Variants in TMEM63C observed in about 807,000 individuals in gnomAD.
TMEM63C encodes the protein transmembrane protein 63C.
TMEM63C carries 32 observed loss-of-function variants against 99.2 expected under a neutral mutation model. The ratio of observed to expected loss-of-function variants is 0.32; its 90% CI spans 0.24 to 0.43. TMEM63C has a LOEUF of 0.43. Ranked by LOEUF, TMEM63C falls within the 20% of genes least tolerant of loss-of-function variation. TMEM63C has a pLI of 1.00. For missense variants in TMEM63C, 826 were observed against 1,053.0 expected (o/e 0.78, Z 2.98); for synonymous variants, 376 against 397.9 (o/e 0.94, Z 0.66).
intron 23 of TMEM63C, among the ~76,000 whole-genome samples, chr14:77,255,905 G>T (rs1889452657): frequency 6.6e-6 from 1 of 152,228 alleles, no homozygotes; most frequent in African/African-American, 2.4e-5. Flanking sequence ...TATGGGAAAG[G>T]TTTCATTCCA....
intron 1 of TMEM63C, among the ~76,000 whole-genome samples, chr14:77,198,478 C>T (rs1356591288): frequency 6.6e-6 from 1 of 152,214 alleles, no homozygotes; most frequent in African/African-American, 2.4e-5. Flanking sequence ...ATAACACCTG[C>T]TTCGTAGAGT....
rs1247917827 is a variant in TMEM63C, at chr14:77,249,393, C to T, written c.1973C>T (p.Ser658Phe). Residue 658 changes from serine (S) to phenylalanine (F), a missense_variant, in exon 21 of 24, where the codon TCC becomes TTC. Ser to Phe is a radical substitution (Grantham distance 155, BLOSUM62 -2). Coordinates refer to ENST00000298351, the MANE Select transcript of TMEM63C (RefSeq NM_020431.4). ...GAGCAGATCCACATGGCTGCCGTCT[C>T]CCAGGCCATCTTTGCGCCACTCTTG... is the stretch of plus-strand genomic sequence containing the variant. ...LNEQIHMAAVSQAIFAPLLGL... is the reference protein window; with the variant it reads ...LNEQIHMAAVFQAIFAPLLGL... 3.1e-6 allele frequency: 5 copies of T among 1,614,048 alleles called. 1 individual carries two copies. The highest frequency in any genetic ancestry group is 2.2e-5 in the South Asian group (2 of 91,080).
chr14:77,241,820 A>G (rs558084272), intron 13 of TMEM63C, among the ~76,000 whole-genome samples: 1 of 152,334 alleles, frequency 6.6e-6, no homozygotes, highest in South Asian at 2.1e-4. Context: ...TCCGGGGCTT[A>G]ATTACAGCAG....
At chr14:77,220,801 C>G (rs1888679477) in intron 5 of TMEM63C, among the ~76,000 whole-genome samples, 1 of 151,616 alleles carries the variant, frequency 6.6e-6, no homozygotes, top group Non-Finnish European at 1.5e-5. Flanking sequence ...CTCCCCACCC[C>G]CACACACAGC....
Position 77,246,669 on chromosome 14 carries a change from G to A in TMEM63C, c.1596G>A (p.Arg532=). The A allele has an allele frequency of 8.1e-6, 13 of 1,612,972 alleles. No individual in the cohort carries two copies. The highest frequency in any genetic ancestry group is 1.7e-5 in the Admixed American group (1 of 59,936). The change falls in exon 18 of 24, where the codon AGG becomes AGA. Residue 532 remains arginine, a synonymous_variant. Coordinates refer to ENST00000298351, the MANE Select transcript of TMEM63C (RefSeq NM_020431.4). ...DIYYLEQASI[R]FQCVFLPDNG... ...ACTATCTAGAGCAAGCATCCATCAGGTTCCAGTGAGTACTCCCATGTGTCC... is the reference window on the plus strand; with the variant it reads ...ACTATCTAGAGCAAGCATCCATCAGATTCCAGTGAGTACTCCCATGTGTCC...
At chr14:77,212,571 C>T (rs1424422898) in intron 1 of TMEM63C, among the ~76,000 whole-genome samples, 1 of 152,212 alleles carries the variant, frequency 6.6e-6, no homozygotes, top group Non-Finnish European at 1.5e-5. Context: ...CTTCTTCACA[C>T]CCAAGAGCTA....
At chr14:77,196,751 G>A (rs1805707287) in intron 1 of TMEM63C, among the ~76,000 whole-genome samples, 1 of 152,226 alleles carries the variant, frequency 6.6e-6, no homozygotes, top group Non-Finnish European at 1.5e-5. Flanking sequence ...TACTTCTCAA[G>A]TATTACTTGT....
At chr14:77,215,614 A>AAAGAAAGAAAAG (rs1555347252) in intron 2 of TMEM63C, among the ~76,000 whole-genome samples, 3 of 76,550 alleles carry the variant, frequency 3.9e-5, no homozygotes, top group African/African-American at 1.1e-4. Flanking sequence ...AAAAAAAAAA[A>AAAGAAAGAAAAG]AAAAGAAAAG....
chr14:77,216,414 C>T (rs1231874037), intron 2 of TMEM63C, among the ~76,000 whole-genome samples: 3 of 152,180 alleles, frequency 2.0e-5, no homozygotes, highest in South Asian at 4.1e-4. Context: ...GAAGAGTTGT[C>T]GCTATGCCAG....
intron 10 of TMEM63C, among the ~76,000 whole-genome samples, chr14:77,239,045 C>A (rs954414683): frequency 1.3e-5 from 2 of 152,198 alleles, no homozygotes; most frequent in African/African-American, 4.8e-5. Context: ...GCACAGGGAA[C>A]CTTGGATCAC....
At chr14:77,221,664 CGCCTCCTCTCCCACTCAT>C (rs1267034472) in intron 5 of TMEM63C, among the ~76,000 whole-genome samples, 273 of 119,532 alleles carry the variant, frequency 2.3e-3, no homozygotes, top group African/African-American at 6.6e-3. Context: ...CTCCCACCCA[CGCCTCCTCTCCCACTCAT>C]GCCTCCTCTC....
chr14:77,220,470 T>C (rs1478288093), intron 5 of TMEM63C, among the ~76,000 whole-genome samples: 1 of 152,096 alleles, frequency 6.6e-6, no homozygotes, highest in African/African-American at 2.4e-5. Context: ...ATTCTAGTCA[T>C]GTGGTAGGGA....
chr14:77,213,055 A>G (rs1888517821), intron 1 of TMEM63C, among the ~76,000 whole-genome samples: 1 of 152,234 alleles, frequency 6.6e-6, no homozygotes, highest in African/African-American at 2.4e-5. Context: ...GAATGAACCA[A>G]TAGTGGTCTA....
At chr14:77,244,985 G>A (rs1453300704) in intron 16 of TMEM63C, among the ~76,000 whole-genome samples, 12 of 152,238 alleles carry the variant, frequency 7.9e-5, no homozygotes, top group Non-Finnish European at 1.5e-4. Flanking sequence ...TGGGTAGAAA[G>A]TATTTGCCAT....
At chr14:77,185,107 C>A (rs543074651) in intron 1 of TMEM63C, among the ~76,000 whole-genome samples, 1 of 152,190 alleles carries the variant, frequency 6.6e-6, no homozygotes, top group African/African-American at 2.4e-5. Context: ...AAAGGGAAAC[C>A]GAAGCATAGA....
intron 2 of TMEM63C, 135 bp from the exon 3 acceptor site, chr14:77,218,666 T>A (rs995489006): frequency 1.3e-6 from 1 of 777,238 alleles, no homozygotes; most frequent in Non-Finnish European, 2.0e-6. Context: ...GGGCTGGCCC[T>A]CCTGTCTTGG....
In TMEM63C at chr14:77,228,436, T is replaced by C. The variant is rs532270774; in HGVS notation, c.350+2975T>C. Among the ~76,000 whole-genome samples, 4 of 152,264 alleles carry C rather than the reference T, an allele frequency of 2.6e-5. No individual in the cohort carries two copies. In the East Asian group the frequency reaches 7.7e-4, roughly 29 times the overall value. ...TTCTCAAGTCCAGGGAGGGAAACGT[T>C]TAGCCGCTCAAAGTTAAAAAATCAA... is the stretch of plus-strand genomic sequence containing the variant. On this transcript the variant is annotated intron_variant, in intron 6 of 23. Transcript: ENST00000298351.
intron 4 of TMEM63C, 76 bp downstream of exon 4, chr14:77,219,653 C>A: frequency 6.8e-7 from 1 of 1,470,288 alleles, no homozygotes; most frequent in Non-Finnish European, 9.5e-7. Flanking sequence ...CGCAGCTCTG[C>A]CCAGCGCCCG....
At chr14:77,248,202 G>T in intron 18 of TMEM63C, 145 bp from the exon 19 acceptor site, 1 of 713,194 alleles carries the variant, frequency 1.4e-6, no homozygotes. Context: ...AAAAGAAAGA[G>T]AGGAAATGTT....
Sources: allele counts gnomAD v4.1 joint callset (sites outside exome capture counted in the v4.1 genomes callset), GRCh38; gene constraint gnomAD v4.1.1; transcripts MANE v1.5; gene names NCBI Gene and HGNC (gene_info 2026-07-23, HGNC 2026-07-21).